KIRREL3: variants seen among roughly 807,000 people sequenced by gnomAD.
KIRREL3 encodes kirre like nephrin family adhesion molecule 3.
Under a neutral mutation model 89.7 loss-of-function variants are expected in KIRREL3, and 36 were observed. That is an observed-to-expected ratio of 0.40 (90% confidence interval 0.31 to 0.53). The LOEUF (loss-of-function observed/expected upper bound fraction) is 0.53. Ranked by LOEUF, KIRREL3 falls within the 20% of genes least tolerant of loss-of-function variation. The probability of loss-of-function intolerance (pLI) is 0.49; values close to 1 mark genes in which losing one functional copy is unlikely to be tolerated. For missense variants in KIRREL3, 864 were observed against 1,056.6 expected, an observed-to-expected ratio of 0.82 and a Z score of 2.53; for synonymous variants, 445 against 441.4, an observed-to-expected ratio of 1.01 and a Z score of -0.10.
At chr11:126,518,619 C>A (rs1014487332) in intron 4 of KIRREL3, among the ~76,000 whole-genome samples, 3 of 152,266 alleles carry the variant, frequency 2.0e-5, no homozygotes, top group Admixed American at 6.5e-5. Context: ...GGGACATTTT[C>A]CCGGGCTGAG....
chr11:126,518,126 T>C (rs1221599563), intron 4 of KIRREL3, among the ~76,000 whole-genome samples: 3 of 152,208 alleles, frequency 2.0e-5, no homozygotes. Context: ...TCCCTCCTTC[T>C]GCCTCCCGAG....
At chr11:126,439,440 A>G (rs894478104) in intron 11 of KIRREL3, among the ~76,000 whole-genome samples, 1 of 150,344 alleles carries the variant, frequency 6.7e-6, no homozygotes, top group Non-Finnish European at 1.5e-5. Context: ...TCCTGGGCTC[A>G]GTCGATCTTC....
In KIRREL3 at chr11:126,431,906, C is replaced by T. The variant is rs546925549; in HGVS notation, c.1589-380G>A. 1.3e-5 allele frequency among the ~76,000 whole-genome samples: 2 copies of T among 152,312 alleles called. No homozygotes were observed. Among genetic ancestry groups the T allele is most frequent in the African/African-American group, 2.4e-5 (1 of 41,574 alleles). ...TAAACAGGAATGCTCTATCACACAGCGGCCAGTGAGTCATAGGCCCTGGCT... is the reference window on the plus strand; with the variant it reads ...TAAACAGGAATGCTCTATCACACAGTGGCCAGTGAGTCATAGGCCCTGGCT... On this transcript the variant is annotated intron_variant, in intron 13 of 16. Coordinates refer to ENST00000525144, the MANE Select transcript of KIRREL3 (RefSeq NM_032531.4). This position sits in a 1 kb window ranked among gnomAD's most constrained non-coding sequence, Gnocchi z 7.1.
Position 126,724,329 on chromosome 11 carries a change from G to A in KIRREL3, c.56-161417C>T, listed in dbSNP as rs1341071695. Among the ~76,000 whole-genome samples the A allele has an allele frequency of 6.6e-6, 1 of 152,104 alleles. No individual in the cohort carries two copies. The highest frequency in any genetic ancestry group is 1.5e-5 in the Non-Finnish European group (1 of 68,020). On this transcript the variant is annotated intron_variant, in intron 1 of 16. Transcript: ENST00000525144. This position sits in a 1 kb window ranked among gnomAD's most constrained non-coding sequence, Gnocchi z 4.3. ...ATATGCTAACCTGATCCTAAGACAG[G>A]CCCCAACTAGTACACACGCAGATCC...
intron 1 of KIRREL3, among the ~76,000 whole-genome samples, chr11:126,858,824 G>A (rs1261533976): frequency 6.6e-6 from 1 of 152,206 alleles, no homozygotes; most frequent in African/African-American, 2.4e-5. Context: ...TGCTATTTAT[G>A]GCTGGAGTGG....
At position 127,000,346 on chromosome 11, in the gene KIRREL3, C is replaced by G; in HGVS notation, c.55+109G>C. On this transcript the variant is annotated intron_variant, in intron 1 of 16. Transcript: ENST00000525144. This position sits in a 1 kb window ranked among gnomAD's most constrained non-coding sequence, Gnocchi z 7.1. ...CATCTCAGCCCGGCACCGAGAGACG[C>G]ATCCATCAGTCCGAGTTCCCGAAGC... The G allele has an allele frequency of 1.2e-6, 1 of 806,346 alleles. No homozygotes were observed. 49.9% of individuals were successfully genotyped at this position (806,346 alleles called of 1,614,324 possible).
rs1949238195 is a variant in KIRREL3 at position 126,965,507 on chromosome 11, C to G, written c.55+34948G>C. Among the ~76,000 whole-genome samples, 1 of 152,102 alleles carries G rather than the reference C, an allele frequency of 6.6e-6. No individual in the cohort carries two copies. Among genetic ancestry groups the G allele is most frequent in the East Asian group, 1.9e-4 (1 of 5,180 alleles). On this transcript the variant is annotated intron_variant, in intron 1 of 16. Coordinates refer to ENST00000525144, the MANE Select transcript of KIRREL3 (RefSeq NM_032531.4). The surrounding 1 kb of genome is among the most constrained non-coding windows in gnomAD (Gnocchi z 4.4). ...GTAACAAGATGCTGGTACTGAGAAA[C>G]CAGTATCCTGGAACCCTATTGTGAA...
chr11:126,425,914 G>A (rs185343891), intron 15 of KIRREL3, among the ~76,000 whole-genome samples, 190 bp from the exon 16 acceptor site: 1 of 152,206 alleles, frequency 6.6e-6, no homozygotes, highest in Non-Finnish European at 1.5e-5. Flanking sequence ...AAGCAGTTGA[G>A]GGGGGTGGGT....
intron 1 of KIRREL3, among the ~76,000 whole-genome samples, chr11:126,895,468 A>G (rs1425755578): frequency 2.6e-5 from 4 of 151,164 alleles, no homozygotes; most frequent in Admixed American, 2.6e-4. Flanking sequence ...AAAAAAAAAA[A>G]AGGAAAAAAG....
intron 2 of KIRREL3, among the ~76,000 whole-genome samples, chr11:126,559,079 T>G (rs1262219850): frequency 2.0e-5 from 3 of 152,064 alleles, no homozygotes; most frequent in Non-Finnish European, 4.4e-5. Context: ...AAACTACCCC[T>G]GGGGAAGGCC....
In KIRREL3 at chr11:126,427,193, TC is replaced by T. The variant is rs1420850650; in HGVS notation, c.1807-1470del. On this transcript the variant is annotated intron_variant, in intron 15 of 16. Transcript: ENST00000525144. The surrounding 1 kb of genome is among the most constrained non-coding windows in gnomAD (Gnocchi z 5.3). Reference sequence around the variant, plus strand: ...GCTTAAGTATAGAGACGTCATCCCTTCTCACATCTAGGCTGTGGTTTCCTCC... The same window carrying T: ...GCTTAAGTATAGAGACGTCATCCCTTTCACATCTAGGCTGTGGTTTCCTCC... Among the ~76,000 whole-genome samples the T allele has an allele frequency of 4.6e-5, 7 of 152,194 alleles. No homozygotes were observed. Among genetic ancestry groups the T allele is most frequent in the African/African-American group, 1.7e-4 (7 of 41,438 alleles).
intron 1 of KIRREL3, among the ~76,000 whole-genome samples, chr11:126,616,392 C>T (rs1943351125): frequency 1.3e-5 from 2 of 152,142 alleles, no homozygotes; most frequent in Admixed American, 1.3e-4. Flanking sequence ...CAAGTCTTAA[C>T]TTGAAAGAAA....
chr11:126,851,286 A>G (rs1398053357), intron 1 of KIRREL3, among the ~76,000 whole-genome samples: 1 of 152,176 alleles, frequency 6.6e-6, no homozygotes. Flanking sequence ...TTCACTGGAA[A>G]ATGTCTGAGA....
rs55838363 is a variant in KIRREL3, at chr11:126,521,676, A to ATGTG, written c.284-216_284-213dup. Among the ~76,000 whole-genome samples, 1 of 143,510 alleles carries ATGTG rather than the reference A, an allele frequency of 7.0e-6. No homozygotes were observed. Among genetic ancestry groups the ATGTG allele is most frequent in the African/African-American group, 2.6e-5 (1 of 38,586 alleles). The allele number at this position is 143,510 out of a possible 152,430, so 94.1% of individuals were successfully genotyped here. A position where few individuals can be genotyped will look rare whatever the true frequency, so the allele number is the denominator to read the frequency against. Reference sequence around the variant, plus strand: ...GTTGGTTCTCTCTCTCTCTCTCTGTATGTGTGTGTGTGTGTGTGTGTGTGT... The same window carrying ATGTG: ...GTTGGTTCTCTCTCTCTCTCTCTGTATGTGTGTGTGTGTGTGTGTGTGTGTGTGT... On this transcript the variant is annotated intron_variant, in intron 3 of 16. Transcript: ENST00000525144. This position sits in a 1 kb window ranked among gnomAD's most constrained non-coding sequence, Gnocchi z 4.1.
At chr11:126,967,824 T>G (rs680345) in intron 1 of KIRREL3, among the ~76,000 whole-genome samples, 135,614 of 151,774 alleles carry the variant, frequency 0.89, 60,754 homozygotes, top group Middle Eastern at 0.96. Flanking sequence ...GGGAGGGGGC[T>G]TGCTACAGGC....
Position 126,484,710 on chromosome 11 carries a change from T to C in KIRREL3, c.434-11244A>G, listed in dbSNP as rs1957304715. 6.6e-6 allele frequency among the ~76,000 whole-genome samples: 1 copy of C among 152,202 alleles called. No individual in the cohort carries two copies. The highest frequency in any genetic ancestry group is 1.5e-5 in the Non-Finnish European group (1 of 68,040). ...CAATCCTGTAGATGTGTTAATTACA[T>C]ATATGTGATTTAATTAATGTAGGTG... On this transcript the variant is annotated intron_variant, in intron 4 of 16. Coordinates refer to ENST00000525144, the MANE Select transcript of KIRREL3 (RefSeq NM_032531.4). This position sits in a 1 kb window ranked among gnomAD's most constrained non-coding sequence, Gnocchi z 5.2.
intron 4 of KIRREL3, among the ~76,000 whole-genome samples, chr11:126,505,426 C>T (rs560300840): frequency 1.6e-4 from 24 of 152,202 alleles, no homozygotes; most frequent in African/African-American, 4.8e-4. Flanking sequence ...GAAAAATTAG[C>T]CAGGCGTGGT....
rs1230198934 is a variant in KIRREL3, at chr11:126,742,147, G to A, written c.56-179235C>T. On this transcript the variant is annotated intron_variant, in intron 1 of 16. Coordinates refer to ENST00000525144, the MANE Select transcript of KIRREL3 (RefSeq NM_032531.4). This position sits in a 1 kb window ranked among gnomAD's most constrained non-coding sequence, Gnocchi z 5.3. ...AATGCAACCTTAATCTTGTTCATTTGCATAAGCTTTAAAATAAGCCTTTAG... is the reference window on the plus strand; with the variant it reads ...AATGCAACCTTAATCTTGTTCATTTACATAAGCTTTAAAATAAGCCTTTAG... 6.6e-6 allele frequency among the ~76,000 whole-genome samples: 1 copy of A among 152,154 alleles called. No individual in the cohort carries two copies. Among genetic ancestry groups the A allele is most frequent in the African/African-American group, 2.4e-5 (1 of 41,426 alleles).
At chr11:126,861,555 G>A (rs776715009) in intron 1 of KIRREL3, among the ~76,000 whole-genome samples, 71 of 152,212 alleles carry the variant, frequency 4.7e-4, no homozygotes, top group Admixed American at 1.2e-3. Flanking sequence ...AGTGGGGAAT[G>A]GATCTGAGTG....
Sources: allele counts gnomAD v4.1 joint callset (sites outside exome capture counted in the v4.1 genomes callset), GRCh38; gene constraint gnomAD v4.1.1; non-coding constraint Gnocchi (gnomAD v3.1); transcripts MANE v1.5; gene names NCBI Gene and HGNC (gene_info 2026-07-23, HGNC 2026-07-21).